Variants in RBFOX1 observed in about 807,000 individuals in gnomAD.
RBFOX1 encodes the protein RNA binding protein fox-1 homolog 1.
In RBFOX1, 8 loss-of-function variants were observed where a neutral mutation model predicts 57.7. That is an observed-to-expected ratio of 0.14 (90% confidence interval 0.08 to 0.25). The LOEUF (loss-of-function observed/expected upper bound fraction) is 0.25. Among genes scored for constraint, RBFOX1 ranks in the 10% least tolerant of loss-of-function variants. The pLI is 1.00. For missense variants in RBFOX1, 611 were observed against 548.5 expected, an observed-to-expected ratio of 1.11 and a Z score of -1.14; for synonymous variants, 326 against 222.4, an observed-to-expected ratio of 1.47 and a Z score of -4.15.
At chr16:7,133,519 C>G (rs2071084130) in intron 4 of RBFOX1, among the ~76,000 whole-genome samples, 1 of 152,038 alleles carries the variant, frequency 6.6e-6, no homozygotes. Flanking sequence ...AACAGAGAAT[C>G]AATGACAAGA....
intron 11 of RBFOX1, among the ~76,000 whole-genome samples, chr16:7,650,887 C>T (rs139807061): frequency 6.2e-4 from 94 of 152,164 alleles, no homozygotes; most frequent in African/African-American, 2.1e-3. Flanking sequence ...CTGAAGCAAG[C>T]GTCTCATCTC....
At chr16:6,105,175 C>T (rs955184647) in intron 1 of RBFOX1, among the ~76,000 whole-genome samples, 4 of 152,178 alleles carry the variant, frequency 2.6e-5, no homozygotes, top group Admixed American at 2.6e-4. Context: ...TTTCTCAAAG[C>T]CCATGTGGGA....
intron 1 of RBFOX1, chr16:6,092,675 CTTTGTCGAAGATCAGATGG>C (rs2096192662): frequency 6.6e-6 from 1 of 152,122 alleles, no homozygotes; most frequent in South Asian, 2.1e-4. Flanking sequence ...TTTTTGTCAA[CTTTGTCGAAGATCAGATGG>C]TTATTGGTGT....
chr16:5,439,941 G>C (rs1321310391), intron 1 of RBFOX1, among the ~76,000 whole-genome samples: 1 of 152,174 alleles, frequency 6.6e-6, no homozygotes, highest in African/African-American at 2.4e-5. Context: ...ATGTCAAGCT[G>C]GCAGCTTGGA....
At chr16:7,390,835 C>G (rs527277372) in intron 4 of RBFOX1, among the ~76,000 whole-genome samples, 1 of 151,856 alleles carries the variant, frequency 6.6e-6, no homozygotes, top group Non-Finnish European at 1.5e-5. Flanking sequence ...TTCCAACAAT[C>G]GAGTTGTTTG....
At chr16:5,776,515 A>G (rs527439739) in intron 3 of RBFOX1, among the ~76,000 whole-genome samples, 2 of 152,328 alleles carry the variant, frequency 1.3e-5, no homozygotes, top group South Asian at 4.1e-4. Context: ...GGTAATAATA[A>G]TAAGGGTTGG....
intron 4 of RBFOX1, among the ~76,000 whole-genome samples, chr16:7,080,976 G>T (rs1301477730): frequency 1.3e-5 from 2 of 152,162 alleles, no homozygotes; most frequent in East Asian, 3.9e-4. Context: ...TGCATGAACT[G>T]GTCTTTACCT....
At position 6,674,659 on chromosome 16, in the gene RBFOX1, C is replaced by T. The variant is rs371028313; in HGVS notation, c.-16+20009C>T. Among the ~76,000 whole-genome samples the T allele has an allele frequency of 5.3e-5, 8 of 152,096 alleles. No individual in the cohort carries two copies. In the South Asian group the frequency reaches 6.2e-4, roughly 12 times the overall value. ...TATAAGATGGAGACCTGGAGATGTA[C>T]GAATGTAGACTCACGGGGAAGAAAC... is the stretch of plus-strand genomic sequence containing the variant. On this transcript the variant is annotated intron_variant, in intron 3 of 15. Coordinates refer to ENST00000550418, the MANE Select transcript of RBFOX1 (RefSeq NM_018723.4).
intron 14 of RBFOX1, among the ~76,000 whole-genome samples, chr16:7,698,419 G>A (rs1598382364): frequency 6.6e-6 from 1 of 152,220 alleles, no homozygotes; most frequent in East Asian, 1.9e-4. Context: ...AAAAGCTGTT[G>A]AAACTGTTCT....
At chr16:6,120,640 G>A (rs1331384167) in intron 1 of RBFOX1, among the ~76,000 whole-genome samples, 1 of 152,138 alleles carries the variant, frequency 6.6e-6, no homozygotes, top group African/African-American at 2.4e-5. Context: ...TATATTAGCT[G>A]CTTATAATAA....
rs377411095 is a variant in RBFOX1 at position 6,363,789 on chromosome 16, G to A, written c.-64+46732G>A. Among the ~76,000 whole-genome samples, 11 of 152,170 alleles carry A rather than the reference G, an allele frequency of 7.2e-5. 1 individual carries two copies. In the East Asian group the frequency reaches 1.2e-3, roughly 16 times the overall value. On this transcript the variant is annotated intron_variant, in intron 2 of 15. Coordinates refer to ENST00000550418, the MANE Select transcript of RBFOX1 (RefSeq NM_018723.4). The stretch of plus-strand genomic sequence containing the variant: ...TGACAGAACTAATAATTGTGTCCAT[G>A]TAAAATCAGACCCTCTTGTTACTTT...
chr16:6,960,994 AT>A (rs139177623), intron 3 of RBFOX1, among the ~76,000 whole-genome samples: 606 of 30,066 alleles, frequency 0.02, 14 homozygotes, highest in African/African-American at 0.037. Flanking sequence ...AAAAAAAAAA[AT>A]TAGCTGGGCA....
At chr16:6,253,747 T>A (rs73531443) in intron 1 of RBFOX1, among the ~76,000 whole-genome samples, 22,813 of 151,768 alleles carry the variant, frequency 0.15, 2,703 homozygotes, top group African/African-American at 0.32. Flanking sequence ...TGTATCCATA[T>A]CTATATAAAT....
At chr16:5,910,845 G>T (rs2058585312) in intron 4 of RBFOX1, among the ~76,000 whole-genome samples, 1 of 152,126 alleles carries the variant, frequency 6.6e-6, no homozygotes, top group Non-Finnish European at 1.5e-5. Flanking sequence ...ACAACCCCAG[G>T]AAAGCTCCCT....
At chr16:7,080,536 C>A (rs2059028674) in intron 4 of RBFOX1, among the ~76,000 whole-genome samples, 1 of 152,064 alleles carries the variant, frequency 6.6e-6, no homozygotes, top group African/African-American at 2.4e-5. Flanking sequence ...GATCACCATC[C>A]CTGTAGTCAC....
At chr16:5,810,091 C>A (rs2055366664) in intron 3 of RBFOX1, among the ~76,000 whole-genome samples, 1 of 151,142 alleles carries the variant, frequency 6.6e-6, no homozygotes, top group Admixed American at 6.6e-5. Context: ...AACCAAACAC[C>A]ATATATTCTC....
Position 6,758,567 on chromosome 16 carries a change from A to G in RBFOX1, c.-16+103917A>G, listed in dbSNP as rs186565006. ...AAAACAGAATATAACCATGCTCTCT[A>G]AAACATCCCAAACTGTACCAAGCAA... is the stretch of plus-strand genomic sequence containing the variant. On this transcript the variant is annotated intron_variant, in intron 3 of 15. Transcript: ENST00000550418. Among the ~76,000 whole-genome samples the G allele has an allele frequency of 2.6e-5, 4 of 152,262 alleles. No homozygotes were observed. In the East Asian group the frequency reaches 5.8e-4, roughly 22 times the overall value.
At chr16:6,659,620 G>A (rs2098688617) in intron 3 of RBFOX1, among the ~76,000 whole-genome samples, 3 of 152,160 alleles carry the variant, frequency 2.0e-5, no homozygotes, top group Admixed American at 1.3e-4. Context: ...TAAGCTCAGA[G>A]ATTCTTACTC....
At chr16:6,871,409 C>G (rs1406911447) in intron 3 of RBFOX1, among the ~76,000 whole-genome samples, 2 of 152,138 alleles carry the variant, frequency 1.3e-5, no homozygotes, top group African/African-American at 4.8e-5. Flanking sequence ...TGGTCTCAAA[C>G]TCCTGAGGTC....
Sources: gnomAD v4.1 joint callset for allele counts (sites outside exome capture counted in the v4.1 genomes callset) on GRCh38, gnomAD v4.1.1 for gene constraint, MANE v1.5 for transcripts, NCBI Gene and HGNC (gene_info 2026-07-23, HGNC 2026-07-21) for gene names.